The following P3H3 variants were observed in gnomAD, a reference collection of about 807,000 sequenced individuals.
P3H3 encodes the protein gene rich cluster, B.
In P3H3, 64 loss-of-function variants were observed where a neutral mutation model predicts 78.1. The observed-to-expected ratio is 0.82, with a 90% CI of 0.67 to 1.01. P3H3 has a LOEUF of 1.01. Ranked by LOEUF, P3H3 falls within the 50% of genes least tolerant of loss-of-function variation. The pLI is 0.00. For synonymous variants in P3H3, 425 were observed against 416.7 expected (o/e 1.02, Z -0.24); for missense variants, 975 against 982.2 (o/e 0.99, Z 0.10).
intron 8 of P3H3, 32 bp from the exon 9 acceptor site, chr12:6,833,893 C>A (rs1555121775): frequency 6.2e-7 from 1 of 1,613,948 alleles, no homozygotes; most frequent in East Asian, 2.2e-5. Context: ...AGGGGATGCT[C>A]AGCCCCCTCT....
At chr12:6,838,687 C>A (rs1435227942) in intron 13 of P3H3, among the ~76,000 whole-genome samples, 1 of 151,936 alleles carries the variant, frequency 6.6e-6, no homozygotes, top group African/African-American at 2.4e-5. Context: ...CATGCACAGC[C>A]CCAGATTGCT....
chr12:6,834,088 C>T (rs1199104533), intron 9 of P3H3, 39 bp downstream of exon 9: 5 of 1,610,284 alleles, frequency 3.1e-6, no homozygotes, highest in Non-Finnish European at 3.4e-6. Flanking sequence ...GTTCAAGACT[C>T]TTGGATACAA....
chr12:6,835,863 G>A (rs1943490852), intron 9 of P3H3, among the ~76,000 whole-genome samples: 1 of 152,114 alleles, frequency 6.6e-6, no homozygotes, highest in Non-Finnish European at 1.5e-5. Context: ...CTGTAGGAGT[G>A]GTAGAGCCCT....
At chr12:6,838,930 TCTA>T in intron 13 of P3H3, 67 bp from the exon 14 acceptor site, 1 of 1,414,270 alleles carries the variant, frequency 7.1e-7, no homozygotes, top group South Asian at 1.4e-5. Context: ...CCCATCCTGC[TCTA>T]GGGAGTGAGG....
At chr12:6,830,308 G>A (rs1031266434) in intron 2 of P3H3, 45 bp from the exon 3 acceptor site, 47 of 1,544,518 alleles carry the variant, frequency 3.0e-5, no homozygotes, top group Non-Finnish European at 3.8e-5. Flanking sequence ...TCCCAGTTTG[G>A]CAACCCCTGG....
intron 9 of P3H3, among the ~76,000 whole-genome samples, 191 bp from the exon 10 acceptor site, chr12:6,836,794 G>A (rs972206647): frequency 6.6e-6 from 1 of 152,194 alleles, no homozygotes; most frequent in African/African-American, 2.4e-5. Flanking sequence ...TACCAGAGAG[G>A]GACAATCGGA....
Position 6,839,068 on chromosome 12 carries a change from G to A in P3H3, c.1974G>A (p.Val658=). 8 of 1,612,246 alleles carry A rather than the reference G, an allele frequency of 5.0e-6. No homozygotes were observed. Among genetic ancestry groups the A allele is most frequent in the Non-Finnish European group, 6.8e-6 (8 of 1,179,610 alleles). Residue 658 remains valine (V), a synonymous_variant, in exon 14 of 15, where the codon GTG becomes GTA. Transcript: ENST00000290510. ...CCGGTGTCGAGAATCCCCATGGGGT[G>A]TGGGCCGTGACTCGGGGACGGCGCT... ...FSSGVENPHG[V]WAVTRGRRCA...
chr12:6,833,702 C>G, intron 7 of P3H3, 40 bp from the exon 8 acceptor site: 1 of 1,599,964 alleles, frequency 6.3e-7, no homozygotes, highest in African/African-American at 1.3e-5. Flanking sequence ...TGGGTCTGGA[C>G]TGTCCTGGGC....
Position 6,833,629 on chromosome 12 carries a change from T to A in P3H3, c.1250T>A (p.Leu417His). 6.2e-7 allele frequency: 1 copy of A among 1,613,882 alleles called. No homozygotes were observed. The highest frequency in any genetic ancestry group is 8.5e-7 in the Non-Finnish European group (1 of 1,179,830). ...CCTGCAGCTCTCATCCCTGAGGCAC[T>A]TAGAGAAAAGCTCAGGTAGGATATG... Reference protein sequence around the residue: ...WTPAALIPEALREKLREDQEK... With the variant: ...WTPAALIPEAHREKLREDQEK... Residue 417 changes from leucine (L) to histidine (H), a missense_variant, in exon 7 of 15, where the codon CTT (leucine) becomes CAT (histidine). Leu to His is a moderately conservative substitution (Grantham distance 99). Transcript: ENST00000290510.
intron 9 of P3H3, 132 bp downstream of exon 9, chr12:6,834,181 C>T: frequency 1.5e-6 from 2 of 1,343,574 alleles, no homozygotes; most frequent in Non-Finnish European, 2.0e-6. Context: ...ACCACTGCCT[C>T]TCAGCTGTGG....
Position 6,828,536 on chromosome 12 carries a change from GC to G in P3H3, c.101del (p.Pro34ArgfsTer92). 2.3e-6 allele frequency: 3 copies of G among 1,277,346 alleles called. No homozygotes were observed. Among genetic ancestry groups the G allele is most frequent in the Non-Finnish European group, 3.0e-6 (3 of 1,010,872 alleles). The allele number at this position is 1,277,346 out of a possible 1,614,324, so 79.1% of individuals were successfully genotyped here. A position where few individuals can be genotyped will look rare whatever the true frequency, so the allele number is the denominator to read the frequency against. ...PGLTQLSPGA[P>X]PQAPDLLYAD... ...GCCTGACCCAGCTGTCCCCGGGGGC[GC>G]CCCCGCAGGCCCCCGACTTGCTCTA... On this transcript the variant is annotated frameshift_variant, in exon 1 of 15. Transcript: ENST00000290510. LOFTEE classifies it high-confidence loss of function.
Position 6,833,265 on chromosome 12 carries a change from G to T in P3H3, c.1213-327G>T, listed in dbSNP as rs1444888010. Among the ~76,000 whole-genome samples, 4 of 152,340 alleles carry T rather than the reference G, an allele frequency of 2.6e-5. No homozygotes were observed. The East Asian group carries it at 7.7e-4, about 29-fold the overall frequency. The stretch of plus-strand genomic sequence containing the variant: ...CTTGAGCATGTTACTTTACTTCTCT[G>T]TGTCTCAGGGCTCTCAATTACAAAA... On this transcript the variant is annotated intron_variant, in intron 6 of 14. Transcript: ENST00000290510.
chr12:6,835,143 C>T (rs1943484127), intron 9 of P3H3, among the ~76,000 whole-genome samples: 1 of 152,186 alleles, frequency 6.6e-6, no homozygotes, highest in Non-Finnish European at 1.5e-5. Flanking sequence ...GCTCCATAGT[C>T]ATTACCTGTG....
chr12:6,833,195 A>G (rs1166785281), intron 6 of P3H3, among the ~76,000 whole-genome samples: 1 of 152,080 alleles, frequency 6.6e-6, no homozygotes, highest in Non-Finnish European at 1.5e-5. Flanking sequence ...AAAACAAAAA[A>G]CAACAACAAA....
In P3H3 at chr12:6,839,005, G is replaced by T. The variant is rs1186083210; in HGVS notation, c.1911G>T (p.Arg637=). 5.0e-6 allele frequency: 8 copies of T among 1,595,496 alleles called. No individual in the cohort carries two copies. In the East Asian group the frequency reaches 1.6e-4, roughly 31 times the overall value. Residue 637 remains arginine, a synonymous_variant, in exon 14 of 15, where the codon CGG becomes CGT. Transcript: ENST00000290510. The part of the protein sequence containing the change: ...TEPNALTVTA[R]VRPRCGRLVA... ...ACCTGCCCTCATCCCTCCAGGCTCG[G>T]GTGCGTCCTCGCTGTGGGCGCCTTG...
rs201215134 is a variant in P3H3 at position 6,830,462 on chromosome 12, G to A, written c.761G>A (p.Arg254His). 1.1e-5 allele frequency: 18 copies of A among 1,587,782 alleles called. No homozygotes were observed. The highest frequency in any genetic ancestry group is 3.4e-5 in the South Asian group (3 of 87,266). ...AGCCTGGCCCAGATGGAGAGCTGCC[G>A]TGCTGACTGTGAGGGGCCTGAGGAG... is the stretch of plus-strand genomic sequence containing the variant. ...QGSLAQMESC[R>H]ADCEGPEEQQ... Residue 254 changes from arginine to histidine, a missense_variant, in exon 3 of 15, where the codon CGT becomes CAT. By Grantham distance (29) the Arg-to-His change is conservative (BLOSUM62 0). Transcript: ENST00000290510.
chr12:6,836,148 G>C (rs1195235871), intron 9 of P3H3, among the ~76,000 whole-genome samples: 1 of 151,618 alleles, frequency 6.6e-6, no homozygotes, highest in African/African-American at 2.4e-5. Context: ...CTGGAGCCTG[G>C]GAGGTGGAGA....
intron 6 of P3H3, among the ~76,000 whole-genome samples, chr12:6,833,139 C>A (rs1236424897): frequency 6.6e-6 from 1 of 151,930 alleles, no homozygotes; most frequent in Non-Finnish European, 1.5e-5. Flanking sequence ...CGCGCCATAG[C>A]ACTCCAGCCT....
rs781854338 is a variant in P3H3 at position 6,830,484 on chromosome 12, G to A, written c.783G>A (p.Glu261=). ...GCCGTGCTGACTGTGAGGGGCCTGA[G>A]GAGCAGCAGGGGGCTGAAGAAGAGG... ...ESCRADCEGP[E]EQQGAEEEED... is the part of the protein sequence containing the mutation. Residue 261 remains glutamate (E), a synonymous_variant, in exon 3 of 15, where the codon GAG becomes GAA. Coordinates refer to ENST00000290510, the MANE Select transcript of P3H3 (RefSeq NM_014262.5). 5 of 1,586,320 alleles carry A rather than the reference G, an allele frequency of 3.2e-6. No homozygotes were observed. Among genetic ancestry groups the A allele is most frequent in the East Asian group, 4.6e-5 (2 of 43,856 alleles).
Sources: gnomAD v4.1 joint callset for allele counts (sites outside exome capture counted in the v4.1 genomes callset) on GRCh38, gnomAD v4.1.1 for gene constraint, MANE v1.5 for transcripts, NCBI Gene and HGNC (gene_info 2026-07-23, HGNC 2026-07-21) for gene names.